The following DLC1 variants were observed in gnomAD, a reference collection of about 807,000 sequenced individuals.
DLC1 encodes DLC1 Rho GTPase activating protein.
A neutral mutation model predicts 140.3 loss-of-function variants in DLC1; 54 were observed. The observed-to-expected ratio is 0.38, with a 90% CI of 0.31 to 0.48. The LOEUF (loss-of-function observed/expected upper bound fraction) is 0.48. Among genes scored for constraint, DLC1 ranks in the 20% least tolerant of loss-of-function variants. DLC1 has a pLI of 0.96. For missense variants in DLC1, 2,536 were observed against 1,907.0 expected (o/e 1.33, Z -6.14); for synonymous variants, 986 against 728.1 (o/e 1.35, Z -5.70).
chr8:13,562,628 A>G (rs187181451), intron 1 of DLC1, among the ~76,000 whole-genome samples: 53 of 152,296 alleles, frequency 3.5e-4, no homozygotes, highest in African/African-American at 1.3e-3. Context: ...CAGAAATGTC[A>G]TATGTGTACT....
chr8:13,542,997 A>T (rs1446102775), intron 1 of DLC1, among the ~76,000 whole-genome samples: 1 of 152,064 alleles, frequency 6.6e-6, no homozygotes, highest in Non-Finnish European at 1.5e-5. Flanking sequence ...TTTTATCACT[A>T]TTATAAATCA....
intron 1 of DLC1, among the ~76,000 whole-genome samples, chr8:13,578,837 A>G (rs7012876): frequency 0.069 from 10,434 of 152,058 alleles, 459 homozygotes; most frequent in African/African-American, 0.11. Flanking sequence ...CCTGTCCTTT[A>G]GGTTTTCTGT....
At chr8:13,209,661 T>C (rs5009831) in intron 5 of DLC1, among the ~76,000 whole-genome samples, 2 of 152,046 alleles carry the variant, frequency 1.3e-5, no homozygotes, top group South Asian at 4.1e-4. Flanking sequence ...ACCATCCTCT[T>C]GGTACTGTCC....
chr8:13,223,732 T>C lies in DLC1; in HGVS notation c.1348+81537A>G, dbSNP rs905324087. 2.6e-5 allele frequency among the ~76,000 whole-genome samples: 4 copies of C among 152,198 alleles called. No homozygotes were observed. In the East Asian group the frequency reaches 7.7e-4, roughly 29 times the overall value. On this transcript the variant is annotated intron_variant, in intron 5 of 17. Transcript: ENST00000276297. ...CTCCATTTTATTGGTCTGTTAGGAA[T>C]ACATATATATGAAAGTAGAGCATTA...
At chr8:13,154,539 C>T (rs559809940) in intron 5 of DLC1, among the ~76,000 whole-genome samples, 2 of 152,320 alleles carry the variant, frequency 1.3e-5, no homozygotes, top group East Asian at 3.9e-4. Flanking sequence ...TGCTGGCCCA[C>T]GAGTGCCAGT....
Position 13,085,853 on chromosome 8 carries a change from G to A in DLC1, c.4545C>T (p.Phe1515=), listed in dbSNP as rs750978100. 5.6e-6 allele frequency: 9 copies of A among 1,614,058 alleles called. No individual in the cohort carries two copies. The African/African-American group carries it at 9.3e-5, about 17-fold the overall frequency. Residue 1515 remains phenylalanine, a synonymous_variant, in exon 18 of 18, where the codon TTC becomes TTT. Transcript: ENST00000276297. ...AAEVVKIRDS[F]SNQNTETKDT... is the part of the protein sequence containing the mutation. ...CTTTGGTTTCAGTGTTCTGGTTACT[G>A]AAGGAATCCCGGATCTTTACAACTT...
intron 2 of DLC1, among the ~76,000 whole-genome samples, chr8:13,432,350 AGAAAAATTAAAATGTGAACAGT>A (rs1838916381): frequency 1.3e-5 from 2 of 152,234 alleles, no homozygotes; most frequent in Admixed American, 6.5e-5. Context: ...CATGCACCTA[AGAAAAATTAAAATGTGAACAGT>A]GATAAAACAA....
chr8:13,531,837 C>G (rs914791960), intron 1 of DLC1, among the ~76,000 whole-genome samples: 7 of 152,078 alleles, frequency 4.6e-5, no homozygotes, highest in African/African-American at 1.7e-4. Context: ...ATTTTGCATA[C>G]TTATTTTTGG....
chr8:13,175,284 G>A (rs1002595290), intron 5 of DLC1, among the ~76,000 whole-genome samples: 3 of 148,826 alleles, frequency 2.0e-5, no homozygotes, highest in African/African-American at 5.0e-5. Flanking sequence ...TTTGAAGTTG[G>A]GTAATGTGAT....
chr8:13,443,898 C>G (rs1024752509), intron 2 of DLC1, among the ~76,000 whole-genome samples: 1 of 152,084 alleles, frequency 6.6e-6, no homozygotes, highest in Non-Finnish European at 1.5e-5. Flanking sequence ...CTCCCTATCC[C>G]TATTATCCAG....
At chr8:13,369,777 G>A (rs373906689) in intron 4 of DLC1, among the ~76,000 whole-genome samples, 58 of 151,884 alleles carry the variant, frequency 3.8e-4, no homozygotes, top group African/African-American at 1.4e-3. Context: ...CCCCCTTCTT[G>A]TGCCCATAAG....
intron 5 of DLC1, among the ~76,000 whole-genome samples, chr8:13,200,227 A>G (rs1315906856): frequency 1.3e-5 from 2 of 148,464 alleles, no homozygotes; most frequent in Admixed American, 1.3e-4. Flanking sequence ...TATTTTTTGT[A>G]TATATATATT....
At position 13,579,379 on chromosome 8, in the gene DLC1, TTTA is replaced by T. The variant is rs1563454167; in HGVS notation, c.-126+25155_-126+25157del. ...TATATATATTTTTATATAATACATA[TTTA>T]TATATTATATATTATATATTTAATA... On this transcript the variant is annotated intron_variant, in intron 1 of 1. Coordinates refer to the DLC1 transcript ENST00000631382. Among the ~76,000 whole-genome samples the T allele has an allele frequency of 1.2e-3, 35 of 28,284 alleles. 2 individuals are homozygous for T. Among genetic ancestry groups the T allele is most frequent in the South Asian group, 4.3e-3 (2 of 468 alleles). 18.6% of individuals were successfully genotyped at this position (28,284 alleles called of 152,430 possible). A position where few individuals can be genotyped will look rare whatever the true frequency, so the allele number is the denominator to read the frequency against.
At chr8:13,478,118 C>A (rs969847087) in intron 2 of DLC1, among the ~76,000 whole-genome samples, 1 of 152,118 alleles carries the variant, frequency 6.6e-6, no homozygotes, top group Non-Finnish European at 1.5e-5. Flanking sequence ...AGAGGTTTAA[C>A]TGGCTTATGG....
chr8:13,360,055 T>A lies in DLC1; in HGVS notation c.1314+33498A>T, dbSNP rs548761595. On this transcript the variant is annotated intron_variant, in intron 4 of 17. Coordinates refer to ENST00000276297, the MANE Select transcript of DLC1 (RefSeq NM_182643.3). ...TTATAAAGCTTTCCACACAACTGGGTAGAATTCTTTCTTTGCCTATCCCCA... is the reference window on the plus strand; with the variant it reads ...TTATAAAGCTTTCCACACAACTGGGAAGAATTCTTTCTTTGCCTATCCCCA... 7.9e-5 allele frequency among the ~76,000 whole-genome samples: 12 copies of A among 152,324 alleles called. No homozygotes were observed. The South Asian group carries it at 2.3e-3, about 29-fold the overall frequency.
chr8:13,406,181 G>GT lies in DLC1; in HGVS notation c.1024-4563dup, dbSNP rs77753653. ...GCCACCATCCCCAGCTAATTTTTGT[G>GT]TTTTTTTTTTTTTTTTTCAGTGGAG... is the stretch of plus-strand genomic sequence containing the variant. On this transcript the variant is annotated intron_variant, in intron 2 of 17. Coordinates refer to ENST00000276297, the MANE Select transcript of DLC1 (RefSeq NM_182643.3). Among the ~76,000 whole-genome samples the GT allele has an allele frequency of 4.2e-3, 354 of 84,952 alleles. 12 individuals are homozygous for GT. The highest frequency in any genetic ancestry group is 8.0e-3 in the East Asian group (19 of 2,376). 55.7% of individuals were successfully genotyped at this position (84,952 alleles called of 152,430 possible). A position where few individuals can be genotyped will look rare whatever the true frequency, so the allele number is the denominator to read the frequency against.
At chr8:13,314,869 T>C (rs1332171388) in intron 4 of DLC1, among the ~76,000 whole-genome samples, 1 of 152,210 alleles carries the variant, frequency 6.6e-6, no homozygotes, top group Non-Finnish European at 1.5e-5. Flanking sequence ...AGAAACACTT[T>C]TATTACAGGG....
At chr8:13,449,086 T>C (rs984987671) in intron 2 of DLC1, among the ~76,000 whole-genome samples, 2 of 152,176 alleles carry the variant, frequency 1.3e-5, no homozygotes, top group Non-Finnish European at 2.9e-5. Flanking sequence ...CAAGCCACAA[T>C]CATTCCAGAG....
At chr8:13,366,952 C>T (rs975234441) in intron 4 of DLC1, among the ~76,000 whole-genome samples, 6 of 152,168 alleles carry the variant, frequency 3.9e-5, no homozygotes, top group Admixed American at 1.3e-4. Context: ...TCCTGTCTTG[C>T]GTGCATGGGG....
Sources: allele counts gnomAD v4.1 joint callset (sites outside exome capture counted in the v4.1 genomes callset), GRCh38; gene constraint gnomAD v4.1.1; transcripts MANE v1.5; gene names NCBI Gene and HGNC (gene_info 2026-07-23, HGNC 2026-07-21).